Variants in CLASP1 observed in about 807,000 individuals in gnomAD.
CLASP1 encodes the protein cytoplasmic linker associated protein 1.
A neutral mutation model predicts 192.3 loss-of-function variants in CLASP1; 38 were observed. The observed-to-expected ratio is 0.20, with a 90% CI of 0.15 to 0.26. The LOEUF is 0.26. CLASP1 is among the 10% of genes least tolerant of loss of function. The pLI is 1.00. For missense variants in CLASP1, 1,433 were observed against 1,932.5 expected (o/e 0.74, Z 4.85); for synonymous variants, 691 against 712.8 (o/e 0.97, Z 0.49).
intron 24 of CLASP1, among the ~76,000 whole-genome samples, chr2:121,409,615 G>T (rs1158229796): frequency 1.3e-5 from 2 of 152,186 alleles, no homozygotes; most frequent in African/African-American, 4.8e-5. Flanking sequence ...AAAGAACTAA[G>T]AAATTTCCCT....
intron 6 of CLASP1, among the ~76,000 whole-genome samples, chr2:121,522,099 A>C (rs1379309577): frequency 6.6e-6 from 1 of 152,164 alleles, no homozygotes; most frequent in Non-Finnish European, 1.5e-5. Context: ...CAGAAGGGAG[A>C]CATGGATTGA....
chr2:121,565,536 C>T (rs1020708605), intron 2 of CLASP1, among the ~76,000 whole-genome samples: 1 of 152,214 alleles, frequency 6.6e-6, no homozygotes, highest in African/African-American at 2.4e-5. Flanking sequence ...TCCACATCCA[C>T]AGCCAACCAA....
intron 9 of CLASP1, among the ~76,000 whole-genome samples, chr2:121,467,075 G>T (rs551955770): frequency 6.6e-6 from 1 of 152,152 alleles, no homozygotes; most frequent in African/African-American, 2.4e-5. Flanking sequence ...TGTAGTATTT[G>T]GTTTTCTGTT....
chr2:121,568,467 T>C (rs2059700858), intron 2 of CLASP1, among the ~76,000 whole-genome samples: 1 of 151,570 alleles, frequency 6.6e-6, no homozygotes, highest in South Asian at 2.1e-4. Context: ...AAAGAACAAA[T>C]GAAACAAACA....
intron 23 of CLASP1, 49 bp downstream of exon 23, chr2:121,418,573 G>A: frequency 1.5e-6 from 2 of 1,294,946 alleles, no homozygotes; most frequent in African/African-American, 1.4e-5. Context: ...TCTCGGACAA[G>A]CAGGGAAAGG....
chr2:121,428,943 C>G (rs1483482425), intron 20 of CLASP1, among the ~76,000 whole-genome samples: 1 of 152,162 alleles, frequency 6.6e-6, no homozygotes, highest in Middle Eastern at 3.2e-3. Flanking sequence ...GGTTAAAAGA[C>G]TCACCCAACA....
At chr2:121,501,613 T>C (rs563801664) in intron 8 of CLASP1, among the ~76,000 whole-genome samples, 12 of 152,152 alleles carry the variant, frequency 7.9e-5, no homozygotes, top group Non-Finnish European at 1.3e-4. Context: ...GAAAAAGAAA[T>C]AAGGAGGATT....
At chr2:121,478,002 A>G (rs1165656789) in intron 8 of CLASP1, among the ~76,000 whole-genome samples, 1 of 152,206 alleles carries the variant, frequency 6.6e-6, no homozygotes, top group Non-Finnish European at 1.5e-5. Context: ...TTCTTACTGC[A>G]TATGTTTGCT....
intron 39 of CLASP1, among the ~76,000 whole-genome samples, chr2:121,342,005 T>A (rs563268656): frequency 6.6e-6 from 1 of 151,212 alleles, no homozygotes; most frequent in South Asian, 2.1e-4. Context: ...AATAAATCAA[T>A]AATAGAAGGA....
intron 37 of CLASP1, among the ~76,000 whole-genome samples, chr2:121,353,590 C>A (rs956088780): frequency 1.3e-5 from 2 of 152,198 alleles, no homozygotes; most frequent in African/African-American, 4.8e-5. Flanking sequence ...GGAAGCCTCA[C>A]CATGTGTATG....
At chr2:121,471,673 C>T (rs1031682985) in intron 8 of CLASP1, among the ~76,000 whole-genome samples, 4 of 152,048 alleles carry the variant, frequency 2.6e-5, no homozygotes, top group African/African-American at 4.8e-5. Context: ...TTCAACACAG[C>T]GTAGGGGGAG....
intron 2 of CLASP1, among the ~76,000 whole-genome samples, chr2:121,580,467 A>G (rs893755939): frequency 1.3e-5 from 2 of 152,190 alleles, no homozygotes; most frequent in African/African-American, 2.4e-5. Flanking sequence ...GATTAACACC[A>G]TTAACATTTT....
chr2:121,351,541 G>A (rs1374547447), intron 37 of CLASP1, among the ~76,000 whole-genome samples: 1 of 152,182 alleles, frequency 6.6e-6, no homozygotes, highest in East Asian at 1.9e-4. Context: ...CCTCCCTCAA[G>A]TCTTTCTTGT....
At chr2:121,370,335 T>C (rs2068366099) in intron 34 of CLASP1, among the ~76,000 whole-genome samples, 1 of 152,234 alleles carries the variant, frequency 6.6e-6, no homozygotes, top group Admixed American at 6.5e-5. Context: ...TTTCTTTCTT[T>C]TTTTTTGAGA....
intron 38 of CLASP1, among the ~76,000 whole-genome samples, chr2:121,347,650 C>T (rs2063623255): frequency 6.6e-6 from 1 of 152,218 alleles, no homozygotes; most frequent in Non-Finnish European, 1.5e-5. Flanking sequence ...AGCCTGATGT[C>T]CGTGTCCCTT....
intron 7 of CLASP1, among the ~76,000 whole-genome samples, chr2:121,513,444 T>A (rs1317917140): frequency 1.3e-5 from 2 of 151,796 alleles, no homozygotes; most frequent in Non-Finnish European, 2.9e-5. Context: ...TTTTTTTTTT[T>A]AAAGAGAAGA....
At chr2:121,407,676 A>G (rs2077110652) in exon 25 of CLASP1, 1 of 1,613,998 alleles carries the variant, frequency 6.2e-7, no homozygotes, top group Non-Finnish European at 8.5e-7. Context: ...TCGTCAGAAT[A>G]CATCCCATAC....
intron 26 of CLASP1, among the ~76,000 whole-genome samples, chr2:121,402,284 T>C (rs1232578734): frequency 1.3e-5 from 2 of 152,220 alleles, no homozygotes; most frequent in African/African-American, 2.4e-5. Context: ...ATAAAATATA[T>C]AAAAATATTA....
chr2:121,626,881 A>C (rs1215408469), intron 1 of CLASP1, among the ~76,000 whole-genome samples: 1 of 152,232 alleles, frequency 6.6e-6, no homozygotes. Context: ...AGATATATCC[A>C]CCATAATGTT....
Sources: gnomAD v4.1 joint callset for allele counts (sites outside exome capture counted in the v4.1 genomes callset) on GRCh38, gnomAD v4.1.1 for gene constraint, MANE v1.5 for transcripts, NCBI Gene and HGNC (gene_info 2026-07-23, HGNC 2026-07-21) for gene names.